Variants in HTR2C observed in about 807,000 individuals in gnomAD.
HTR2C encodes the protein 5-hydroxytryptamine receptor 2C.
HTR2C carries 5 observed loss-of-function variants against 21.0 expected under a neutral mutation model. The ratio of observed to expected loss-of-function variants is 0.24; its 90% CI spans 0.12 to 0.50. The LOEUF is 0.50. Among genes scored for constraint, HTR2C ranks in the 20% least tolerant of loss-of-function variants. The probability of loss-of-function intolerance (pLI) is 0.98; values close to 1 mark genes in which losing one functional copy is unlikely to be tolerated. For synonymous variants in HTR2C, 150 were observed against 145.3 expected (o/e 1.03, Z -0.23); for missense variants, 271 against 371.2 (o/e 0.73, Z 2.22).
At chrX:114,688,944 GTA>G (rs1932013734) in intron 2 of HTR2C, among the ~76,000 whole-genome samples, 1 of 109,365 alleles carries the variant, frequency 9.1e-6, no homozygotes, top group Non-Finnish European at 1.9e-5. Context: ...CCCAAGCAGT[GTA>G]TGTTGCACTC....
intron 4 of HTR2C, among the ~76,000 whole-genome samples, chrX:114,747,788 T>C (rs1264685351): frequency 1.8e-5 from 2 of 112,438 alleles, no homozygotes; most frequent in Non-Finnish European, 3.7e-5. Flanking sequence ...CCACATCCAA[T>C]GTGGGTCCCA....
chrX:114,867,608 A>T (rs1310049715), intron 5 of HTR2C, among the ~76,000 whole-genome samples: 1 of 111,456 alleles, frequency 9.0e-6, no homozygotes, highest in Non-Finnish European at 1.9e-5. Flanking sequence ...GATTTTCCCC[A>T]ATGTTTTCTT....
At chrX:114,827,159 TC>T (rs2070685594) in intron 4 of HTR2C, among the ~76,000 whole-genome samples, 1 of 111,283 alleles carries the variant, frequency 9.0e-6, no homozygotes, top group African/African-American at 3.3e-5. Flanking sequence ...CAGTTCAGCA[TC>T]CCTAATCCAA....
intron 1 of HTR2C, among the ~76,000 whole-genome samples, chrX:114,611,578 T>A (rs1928733581): frequency 8.9e-6 from 1 of 112,821 alleles, no homozygotes; most frequent in Non-Finnish European, 1.9e-5. Context: ...TCATGTGTTC[T>A]TGCATAGTCA....
At chrX:114,883,683 A>C (rs2071199586) in intron 5 of HTR2C, among the ~76,000 whole-genome samples, 1 of 110,323 alleles carries the variant, frequency 9.1e-6, no homozygotes, top group African/African-American at 3.3e-5. Flanking sequence ...TATATATATT[A>C]ATTATGTACA....
At chrX:114,747,453 A>G (rs782062752) in intron 4 of HTR2C, among the ~76,000 whole-genome samples, 1 of 112,263 alleles carries the variant, frequency 8.9e-6, no homozygotes, top group African/African-American at 3.2e-5. Flanking sequence ...TTTGGTTTGA[A>G]GATGACATAA....
chrX:114,763,924 A>T, intron 4 of HTR2C, among the ~76,000 whole-genome samples: 1 of 111,616 alleles, frequency 9.0e-6, no homozygotes, highest in Non-Finnish European at 1.9e-5. Flanking sequence ...CTAGAGAAAA[A>T]AATTTCTTTA....
At chrX:114,712,053 A>G (rs782452287) in intron 2 of HTR2C, among the ~76,000 whole-genome samples, 37 of 112,013 alleles carry the variant, frequency 3.3e-4, no homozygotes, top group Non-Finnish European at 5.8e-4. Context: ...AACGCTGCCT[A>G]TGATTTACTA....
intron 2 of HTR2C, among the ~76,000 whole-genome samples, chrX:114,658,233 A>G (rs900489810): frequency 9.0e-6 from 1 of 111,701 alleles, no homozygotes; most frequent in Non-Finnish European, 1.9e-5. Context: ...GCAAAAGATA[A>G]TCTTTCATCT....
chrX:114,724,209 G>A (rs781905175), intron 2 of HTR2C, among the ~76,000 whole-genome samples: 1 of 80,907 alleles, frequency 1.2e-5, no homozygotes, highest in Admixed American at 1.6e-4. Context: ...CCTGTATCGG[G>A]TGCATATATA....
At chrX:114,775,204 G>T in intron 4 of HTR2C, 1 of 518,755 alleles carries the variant, frequency 1.9e-6, no homozygotes, top group East Asian at 3.7e-5. Flanking sequence ...GTACTTCTCA[G>T]CTTACCGGAC....
intron 1 of HTR2C, among the ~76,000 whole-genome samples, chrX:114,591,094 T>A (rs191376754): frequency 0.021 from 2,304 of 111,867 alleles, 62 homozygotes; most frequent in African/African-American, 0.071. Context: ...TAGTTTTTTT[T>A]ATCTTAATTA....
In HTR2C at chrX:114,705,112, C is replaced by T. The variant is rs1232942591; in HGVS notation, c.-79-21746C>T. 1.6e-4 allele frequency among the ~76,000 whole-genome samples: 17 copies of T among 104,345 alleles called. No individual in the cohort carries two copies. The Admixed American group carries it at 1.7e-3, about 10-fold the overall frequency. 90.6% of individuals were successfully genotyped at this position (104,345 alleles called of 115,157 possible). ...GCTCATGGGTAGGAAGAATCAATAT[C>T]GTGAAAATGGCCATACTGCCCAAGG... On this transcript the variant is annotated intron_variant, in intron 2 of 5. Coordinates refer to ENST00000276198, the MANE Select transcript of HTR2C (RefSeq NM_000868.4).
Position 114,652,625 on chromosome X carries a change from C to T in HTR2C, c.-80+38744C>T, listed in dbSNP as rs782165157. On this transcript the variant is annotated intron_variant, in intron 2 of 5. Coordinates refer to ENST00000276198, the MANE Select transcript of HTR2C (RefSeq NM_000868.4). ...AGAAAATATCATAACATATTCAACA[C>T]ATTGTGTTTCTCCATGCCTGGCATA... 1.3e-5 allele frequency: 5 copies of T among 372,998 alleles called. No homozygotes were observed. The East Asian group carries it at 3.9e-4, about 29-fold the overall frequency. 30.7% of individuals were successfully genotyped at this position (372,998 alleles called of 1,213,427 possible). A position where few individuals can be genotyped will look rare whatever the true frequency, so the allele number is the denominator to read the frequency against.
At chrX:114,829,488 T>C (rs1367750325) in intron 4 of HTR2C, among the ~76,000 whole-genome samples, 3 of 59,366 alleles carry the variant, frequency 5.1e-5, no homozygotes, top group African/African-American at 1.4e-4. Flanking sequence ...AATTTAATGA[T>C]GTCCAATTTT....
chrX:114,650,890 C>A (rs1216341208), intron 2 of HTR2C, among the ~76,000 whole-genome samples: 1 of 111,320 alleles, frequency 9.0e-6, no homozygotes, highest in Non-Finnish European at 1.9e-5. Context: ...ATTTCAAAGA[C>A]ACAGTAAGAT....
At chrX:114,788,621 G>A (rs1331343118) in intron 4 of HTR2C, among the ~76,000 whole-genome samples, 1 of 110,663 alleles carries the variant, frequency 9.0e-6, no homozygotes, top group African/African-American at 3.3e-5. Flanking sequence ...TCCCAATTCA[G>A]ATGAAATGAG....
chrX:114,882,138 AT>A (rs2071186349), intron 5 of HTR2C, among the ~76,000 whole-genome samples: 1 of 110,362 alleles, frequency 9.1e-6, no homozygotes, highest in East Asian at 2.8e-4. Flanking sequence ...TATTAATTTA[AT>A]TTTTGGATTG....
chrX:114,814,109 G>C (rs2070560083), intron 4 of HTR2C, among the ~76,000 whole-genome samples: 2 of 110,012 alleles, frequency 1.8e-5, no homozygotes, highest in South Asian at 7.8e-4. Context: ...TGAAAAAGGG[G>C]TATATTACAG....
Sources: allele counts gnomAD v4.1 joint callset (sites outside exome capture counted in the v4.1 genomes callset), GRCh38; gene constraint gnomAD v4.1.1; transcripts MANE v1.5; gene names NCBI Gene and HGNC (gene_info 2026-07-23, HGNC 2026-07-21).